The following SCML2 variants were observed in gnomAD, a reference collection of about 807,000 sequenced individuals.
SCML2 encodes Scm polycomb group protein like 2.
SCML2 carries 6 observed loss-of-function variants against 48.4 expected under a neutral mutation model. That is an observed-to-expected ratio of 0.12 (90% CI 0.07 to 0.24). The LOEUF (loss-of-function observed/expected upper bound fraction) is 0.24. Ranked by LOEUF, SCML2 falls within the 10% of genes least tolerant of loss-of-function variation. The probability of loss-of-function intolerance (pLI) is 1.00; values close to 1 mark genes in which losing one functional copy is unlikely to be tolerated. For synonymous variants in SCML2, 181 were observed against 189.5 expected, an observed-to-expected ratio of 0.95 and a Z score of 0.37; for missense variants, 377 against 528.2, an observed-to-expected ratio of 0.71 and a Z score of 2.81.
chrX:18,245,472 T>A (rs1421345277), intron 13 of SCML2, among the ~76,000 whole-genome samples: 1 of 112,356 alleles, frequency 8.9e-6, no homozygotes, highest in African/African-American at 3.2e-5. Context: ...TATGTCACTC[T>A]AAAGGCAGAG....
intron 5 of SCML2, among the ~76,000 whole-genome samples, chrX:18,321,185 C>CACTTTAGCAATCTTAATACATACTAAA (rs1455878217): frequency 7.3e-4 from 82 of 111,802 alleles, no homozygotes; most frequent in Non-Finnish European, 1.4e-3. Context: ...AGACAGCTCT[C>CACTTTAGCAATCTTAATACATACTAAA]ACTTTAGCAA....
chrX:18,257,916 G>A, intron 10 of SCML2, 128 bp downstream of exon 10: 1 of 434,807 alleles, frequency 2.3e-6, no homozygotes, highest in Non-Finnish European at 3.9e-6. Flanking sequence ...AGAAGAAAGG[G>A]CGGGGGAGGG....
At chrX:18,347,723 CAAAAAAAA>C (rs749758995) in intron 1 of SCML2, among the ~76,000 whole-genome samples, 7 of 21,925 alleles carry the variant, frequency 3.2e-4, no homozygotes, top group Non-Finnish European at 6.4e-4. Flanking sequence ...GACTCCGTCT[CAAAAAAAA>C]AAAAAAAAAA....
chrX:18,255,207 G>A (rs1221145665), intron 11 of SCML2, among the ~76,000 whole-genome samples: 2 of 111,893 alleles, frequency 1.8e-5, no homozygotes, highest in African/African-American at 6.5e-5. Context: ...CCTACTTCAT[G>A]CCAGGCATAA....
intron 1 of SCML2, among the ~76,000 whole-genome samples, chrX:18,338,504 A>G (rs1432769426): frequency 1.8e-5 from 2 of 109,520 alleles, no homozygotes; most frequent in African/African-American, 6.6e-5. Flanking sequence ...TCTCATTTAC[A>G]TGTGCAATCT....
intron 7 of SCML2, among the ~76,000 whole-genome samples, chrX:18,282,195 T>C (rs1476805192): frequency 1.8e-5 from 2 of 110,366 alleles, no homozygotes; most frequent in Non-Finnish European, 3.8e-5. Flanking sequence ...GTTTGTTCTT[T>C]GCAAAAATAA....
chrX:18,278,693 C>T (rs773113179), intron 7 of SCML2, among the ~76,000 whole-genome samples: 11 of 112,684 alleles, frequency 9.8e-5, no homozygotes, highest in Non-Finnish European at 1.9e-4. Flanking sequence ...AGGTGCACGG[C>T]ACAGCCCCTG....
At chrX:18,295,954 C>T (rs1454686458) in intron 7 of SCML2, among the ~76,000 whole-genome samples, 1 of 111,664 alleles carries the variant, frequency 9.0e-6, no homozygotes, top group African/African-American at 3.3e-5. Flanking sequence ...ATAAATACAT[C>T]TTCAAAAAAA....
rs1379012932 is a variant in SCML2 at position 18,254,468 on chromosome X, A to T, written c.1456+2380T>A. 2.7e-5 allele frequency among the ~76,000 whole-genome samples: 3 copies of T among 112,666 alleles called. No homozygotes were observed. The Admixed American group carries it at 2.8e-4, about 11-fold the overall frequency. On this transcript the variant is annotated intron_variant, in intron 11 of 14. Coordinates refer to ENST00000251900, the MANE Select transcript of SCML2 (RefSeq NM_006089.3). ...TAAAATAATGTAAAATATGTGGATTATTCAGTGTATTTTTTCAAATAGTTA... is the reference window on the plus strand; with the variant it reads ...TAAAATAATGTAAAATATGTGGATTTTTCAGTGTATTTTTTCAAATAGTTA...
intron 6 of SCML2, among the ~76,000 whole-genome samples, chrX:18,318,134 A>G (rs1929192643): frequency 8.9e-6 from 1 of 112,942 alleles, no homozygotes; most frequent in Non-Finnish European, 1.9e-5. Flanking sequence ...CAATAAATAA[A>G]GACTTCTGCT....
chrX:18,346,881 A>G (rs1426462293), intron 1 of SCML2, among the ~76,000 whole-genome samples: 1 of 112,021 alleles, frequency 8.9e-6, no homozygotes, highest in Non-Finnish European at 1.9e-5. Flanking sequence ...TCTCTCTTTC[A>G]ACTAAGATTT....
chrX:18,299,475 G>A (rs761132403), intron 7 of SCML2, among the ~76,000 whole-genome samples: 49 of 108,890 alleles, frequency 4.5e-4, no homozygotes, highest in African/African-American at 1.5e-3. Context: ...CTGAGATCGC[G>A]CCACTGCACT....
intron 7 of SCML2, among the ~76,000 whole-genome samples, chrX:18,266,173 T>C (rs181592471): frequency 4.5e-5 from 5 of 111,450 alleles, no homozygotes; most frequent in South Asian, 7.6e-4. Flanking sequence ...ACAGGAATCA[T>C]CTCTCACATC....
intron 7 of SCML2, among the ~76,000 whole-genome samples, chrX:18,295,234 C>A (rs1032415907): frequency 1.4e-4 from 16 of 111,950 alleles, no homozygotes; most frequent in Admixed American, 8.5e-4. Flanking sequence ...TATTGCCCCA[C>A]CCTGCCCACC....
At chrX:18,350,232 T>C (rs2147575494) in intron 1 of SCML2, among the ~76,000 whole-genome samples, 1 of 109,353 alleles carries the variant, frequency 9.1e-6, no homozygotes, top group South Asian at 3.9e-4. Flanking sequence ...TGAGCCAAGA[T>C]CACACCACCG....
At chrX:18,298,312 T>C (rs1460029236) in intron 7 of SCML2, among the ~76,000 whole-genome samples, 4 of 111,328 alleles carry the variant, frequency 3.6e-5, no homozygotes, top group Non-Finnish European at 7.5e-5. Context: ...ATAGCCAAAG[T>C]AATCCTGAGC....
Position 18,265,625 on chromosome X carries a change from T to C in SCML2, c.908A>G (p.Asn303Ser). The stretch of plus-strand genomic sequence containing the variant: ...TGGACCTTTTTTCCTTGGTGTGATA[T>C]TTTTAACAGAACTGCTCCTTTTGGG... ...AVPKRSSSVK[N>S]ITPRKKGPNS... The change falls in exon 8 of 15, where the codon AAT becomes AGT. Residue 303 changes from asparagine to serine, a missense_variant. Transcript: ENST00000251900. 1 of 1,211,479 alleles carries C rather than the reference T, an allele frequency of 8.3e-7. No individual in the cohort carries two copies. Among genetic ancestry groups the C allele is most frequent in the Non-Finnish European group, 1.1e-6 (1 of 895,246 alleles).
At chrX:18,314,649 G>A (rs1373433706) in intron 6 of SCML2, among the ~76,000 whole-genome samples, 1 of 111,760 alleles carries the variant, frequency 8.9e-6, no homozygotes, top group Admixed American at 9.6e-5. Flanking sequence ...TAACAAACAA[G>A]TATGTGTCCA....
chrX:18,334,313 T>C (rs1929743745), intron 1 of SCML2, among the ~76,000 whole-genome samples: 1 of 112,209 alleles, frequency 8.9e-6, no homozygotes, highest in Admixed American at 9.5e-5. Context: ...TGTGGGATAA[T>C]GAAAGTGTCC....
Sources: allele counts gnomAD v4.1 joint callset (sites outside exome capture counted in the v4.1 genomes callset), GRCh38; gene constraint gnomAD v4.1.1; transcripts MANE v1.5; gene names NCBI Gene and HGNC (gene_info 2026-07-23, HGNC 2026-07-21).